SLC24A2: variants seen among roughly 807,000 people sequenced by gnomAD.
SLC24A2 encodes sodium/potassium/calcium exchanger 2.
A neutral mutation model predicts 62.0 loss-of-function variants in SLC24A2; 36 were observed. The observed-to-expected ratio is 0.58, with a 90% CI of 0.44 to 0.77. SLC24A2 has a LOEUF of 0.77. SLC24A2 is among the 30% of genes least tolerant of loss of function. SLC24A2 has a pLI of 0.00. For synonymous variants in SLC24A2, 358 were observed against 294.0 expected (o/e 1.22, Z -2.23); for missense variants, 846 against 817.9 (o/e 1.03, Z -0.42).
At chr9:19,881,374 A>G in the SLC24A2 span, among the ~76,000 whole-genome samples, 1 of 152,210 alleles carries the variant, frequency 6.6e-6, no homozygotes, top group African/African-American at 2.4e-5. Flanking sequence ...TGCTGTTGAC[A>G]GGTTAAATAA....
At chr9:19,755,920 C>CTA (rs1323129414) in intron 2 of SLC24A2, among the ~76,000 whole-genome samples, 2 of 78,174 alleles carry the variant, frequency 2.6e-5, no homozygotes, top group Non-Finnish European at 5.9e-5. Context: ...TTACAATGGG[C>CTA]TGTAATTGGA....
chr9:19,724,068 G>A (rs1387284890), intron 2 of SLC24A2, among the ~76,000 whole-genome samples: 1 of 152,006 alleles, frequency 6.6e-6, no homozygotes, highest in African/African-American at 2.4e-5. Context: ...TATAATTTTT[G>A]CCATAATCTC....
the SLC24A2 span, chr9:19,927,921 A>G: frequency 6.6e-6 from 1 of 152,378 alleles, no homozygotes; most frequent in Admixed American, 6.5e-5. Flanking sequence ...GGAGCTCACA[A>G]AAAGCCTGCC....
chr9:20,080,322 G>A, the SLC24A2 span, among the ~76,000 whole-genome samples: 106 of 152,206 alleles, frequency 7.0e-4, 3 homozygotes, highest in South Asian at 1.9e-3. Flanking sequence ...AAATAATGCC[G>A]CATATCTGCA....
At chr9:19,793,685 A>G (rs1823345812), upstream of SLC24A2, among the ~76,000 whole-genome samples, 1 of 152,206 alleles carries the variant, frequency 6.6e-6, no homozygotes, top group African/African-American at 2.4e-5. Flanking sequence ...CTTGCCCAAT[A>G]ACAAACAGCT....
chr9:20,049,996 C>G, the SLC24A2 span, among the ~76,000 whole-genome samples: 1 of 152,094 alleles, frequency 6.6e-6, no homozygotes, highest in East Asian at 1.9e-4. Context: ...TACTAGGACA[C>G]AGGGAAATAC....
At chr9:19,783,552 A>G (rs1368552713) in intron 2 of SLC24A2, among the ~76,000 whole-genome samples, 1 of 152,154 alleles carries the variant, frequency 6.6e-6, no homozygotes, top group African/African-American at 2.4e-5. Context: ...ATTCATCCCC[A>G]TTTCAGGATG....
intron 7 of SLC24A2, among the ~76,000 whole-genome samples, chr9:19,561,756 A>C (rs1420566491): frequency 6.6e-6 from 1 of 150,396 alleles, no homozygotes; most frequent in African/African-American, 2.4e-5. Flanking sequence ...AAAATGATAA[A>C]TCGTTGCTTG....
chr9:20,166,988 A>T, the SLC24A2 span, among the ~76,000 whole-genome samples: 1 of 151,846 alleles, frequency 6.6e-6, no homozygotes, highest in African/African-American at 2.4e-5. Flanking sequence ...CTACAGGCGC[A>T]CACCACCACA....
chr9:20,118,859 C>T, the SLC24A2 span, among the ~76,000 whole-genome samples: 1 of 152,080 alleles, frequency 6.6e-6, no homozygotes, highest in Admixed American at 6.6e-5. Flanking sequence ...CCCTTGAGTG[C>T]AGATGGGTAC....
chr9:20,214,926 T>A, the SLC24A2 span, among the ~76,000 whole-genome samples: 1 of 152,246 alleles, frequency 6.6e-6, no homozygotes, highest in Non-Finnish European at 1.5e-5. Context: ...CACTTATTTA[T>A]ATAGATACAA....
In SLC24A2 at chr9:19,511,502, A is replaced by G. The variant is rs961983074; in HGVS notation, c.*4651T>C. ...TCCACGTGACACTTGTTTTCTTGGA[A>G]TCCTAGGAAATTAATATCTCCTTTC... is the stretch of plus-strand genomic sequence containing the variant. On this transcript the variant is annotated 3_prime_UTR_variant, in exon 11 of 11. Coordinates refer to ENST00000341998, the MANE Select transcript of SLC24A2 (RefSeq NM_020344.4). 2 of 152,168 alleles carry G rather than the reference A, an allele frequency of 1.3e-5. No individual in the cohort carries two copies. The highest frequency in any genetic ancestry group is 2.9e-5 in the Non-Finnish European group (2 of 68,024). 9.4% of individuals were successfully genotyped at this position (152,168 alleles called of 1,614,324 possible). A position where few individuals can be genotyped will look rare whatever the true frequency, so the allele number is the denominator to read the frequency against.
chr9:19,549,881 T>G (rs1005121822), intron 8 of SLC24A2, among the ~76,000 whole-genome samples: 1 of 152,218 alleles, frequency 6.6e-6, no homozygotes, highest in Admixed American at 6.5e-5. Context: ...TTATGCAGAT[T>G]TGATAACCTG....
intron 9 of SLC24A2, among the ~76,000 whole-genome samples, chr9:19,521,650 C>A (rs1833204910): frequency 1.3e-5 from 2 of 152,258 alleles, no homozygotes; most frequent in East Asian, 3.9e-4. Context: ...GGACCTGGGT[C>A]CAAGATCTGG....
At chr9:20,207,393 C>A in the SLC24A2 span, among the ~76,000 whole-genome samples, 277 of 152,334 alleles carry the variant, frequency 1.8e-3, 2 homozygotes, top group Admixed American at 0.016. Context: ...AAATCACACT[C>A]TTGATCTTTG....
chr9:20,257,140 C>T, the SLC24A2 span, among the ~76,000 whole-genome samples: 1 of 152,160 alleles, frequency 6.6e-6, no homozygotes, highest in Non-Finnish European at 1.5e-5. Context: ...CTGAGGTCTA[C>T]TATTTCAGCT....
the SLC24A2 span, among the ~76,000 whole-genome samples, chr9:20,054,328 A>T: frequency 2.0e-5 from 3 of 152,036 alleles, no homozygotes; most frequent in African/African-American, 7.2e-5. Flanking sequence ...AGTAGCTGGG[A>T]TTGCAGGCAC....
the SLC24A2 span, among the ~76,000 whole-genome samples, chr9:20,107,493 A>G: frequency 6.6e-6 from 1 of 152,218 alleles, no homozygotes; most frequent in Non-Finnish European, 1.5e-5. Context: ...GTACCAAAAC[A>G]GAGATATAGA....
the SLC24A2 span, among the ~76,000 whole-genome samples, chr9:20,005,569 T>C: frequency 6.6e-6 from 1 of 152,000 alleles, no homozygotes; most frequent in African/African-American, 2.4e-5. Context: ...TCTGAGACTC[T>C]AAAATTTCAT....
Sources: allele counts gnomAD v4.1 joint callset (sites outside exome capture counted in the v4.1 genomes callset), GRCh38; gene constraint gnomAD v4.1.1; transcripts MANE v1.5; gene names NCBI Gene and HGNC (gene_info 2026-07-23, HGNC 2026-07-21).